IMMP2L: variants seen among roughly 807,000 people sequenced by gnomAD.
IMMP2L encodes mitochondrial inner membrane protease subunit 2.
Under a neutral mutation model 19.3 loss-of-function variants are expected in IMMP2L, and 18 were observed. The observed-to-expected ratio is 0.93, with a 90% CI of 0.64 to 1.38. The LOEUF is 1.38. IMMP2L is among the 40% of genes most tolerant of loss of function. The probability of loss-of-function intolerance (pLI) is 0.00; values close to 1 mark genes in which losing one functional copy is unlikely to be tolerated. For synonymous variants in IMMP2L, 76 were observed against 73.0 expected (o/e 1.04, Z -0.21); for missense variants, 233 against 218.2 (o/e 1.07, Z -0.43).
intron 5 of IMMP2L, among the ~76,000 whole-genome samples, chr7:110,717,273 G>A (rs1223386650): frequency 1.3e-5 from 2 of 152,124 alleles, no homozygotes; most frequent in Non-Finnish European, 1.5e-5. Flanking sequence ...TCAGGAGATG[G>A]AGACCATCCT....
intron 3 of IMMP2L, among the ~76,000 whole-genome samples, chr7:111,074,496 C>CT (rs1795225551): frequency 6.6e-6 from 1 of 152,194 alleles, no homozygotes; most frequent in African/African-American, 2.4e-5. Context: ...TGATGCATAT[C>CT]TTTAGTCTTC....
Position 111,310,079 on chromosome 7 carries a change from A to G in IMMP2L, c.239+177159T>C, listed in dbSNP as rs190485669. Among the ~76,000 whole-genome samples, 217 of 152,106 alleles carry G rather than the reference A, an allele frequency of 1.4e-3. 2 individuals are homozygous for G. The highest frequency in any genetic ancestry group is 3.4e-3 in the Middle Eastern group (1 of 294). On this transcript the variant is annotated intron_variant, in intron 3 of 5. Transcript: ENST00000405709. Reference sequence around the variant, plus strand: ...GGGAAATCCCAACTCTACTAAAAATACAAAAACTAGCTGGGCATGGTGGTG... The same window carrying G: ...GGGAAATCCCAACTCTACTAAAAATGCAAAAACTAGCTGGGCATGGTGGTG...
intron 3 of IMMP2L, among the ~76,000 whole-genome samples, chr7:111,111,975 T>C (rs1799284050): frequency 7.9e-6 from 1 of 126,224 alleles, no homozygotes; most frequent in Non-Finnish European, 1.6e-5. Flanking sequence ...TGAGATGGAG[T>C]CTTGCTCTGT....
At chr7:111,451,288 A>G (rs1839140857) in intron 3 of IMMP2L, among the ~76,000 whole-genome samples, 1 of 150,496 alleles carries the variant, frequency 6.6e-6, no homozygotes, top group Non-Finnish European at 1.5e-5. Flanking sequence ...CATTATTCAC[A>G]ATAGCAAAGA....
chr7:111,284,633 A>C (rs1188630446), intron 3 of IMMP2L, among the ~76,000 whole-genome samples: 1 of 152,156 alleles, frequency 6.6e-6, no homozygotes, highest in Non-Finnish European at 1.5e-5. Flanking sequence ...GAATGACTAT[A>C]AGCCCGGGGC....
At chr7:110,955,867 CAAG>C (rs10552767) in intron 4 of IMMP2L, among the ~76,000 whole-genome samples, 23,904 of 151,566 alleles carry the variant, frequency 0.16, 4,068 homozygotes, top group African/African-American at 0.43. Context: ...GCATGATCTT[CAAG>C]AAGAAGAGAG....
chr7:111,061,330 C>A (rs1192559072), intron 3 of IMMP2L, among the ~76,000 whole-genome samples: 1 of 152,138 alleles, frequency 6.6e-6, no homozygotes, highest in Admixed American at 6.6e-5. Context: ...AGACTAGGAC[C>A]AAACCACAGA....
At chr7:110,844,015 C>G (rs1293470065) in intron 5 of IMMP2L, among the ~76,000 whole-genome samples, 1 of 152,094 alleles carries the variant, frequency 6.6e-6, no homozygotes, top group Non-Finnish European at 1.5e-5. Context: ...TAAGTGAAGC[C>G]TGGAGCCTTT....
chr7:111,543,018 T>C (rs1298467960), intron 1 of IMMP2L, among the ~76,000 whole-genome samples: 2 of 152,150 alleles, frequency 1.3e-5, no homozygotes, highest in Non-Finnish European at 2.9e-5. Context: ...GACTAGAAAC[T>C]AAAGCAATCC....
intron 4 of IMMP2L, among the ~76,000 whole-genome samples, chr7:110,935,982 A>T (rs943514766): frequency 6.6e-6 from 1 of 152,198 alleles, no homozygotes; most frequent in Non-Finnish European, 1.5e-5. Flanking sequence ...GTGATGGGCA[A>T]ACTGGCTAGC....
intron 3 of IMMP2L, among the ~76,000 whole-genome samples, chr7:111,298,768 A>AAG (rs1821896492): frequency 6.6e-6 from 1 of 151,922 alleles, no homozygotes; most frequent in South Asian, 2.1e-4. Context: ...CAAAAAAAAA[A>AAG]AAAAGCAGCC....
chr7:111,446,812 A>C (rs576301655), intron 3 of IMMP2L, among the ~76,000 whole-genome samples: 2 of 151,952 alleles, frequency 1.3e-5, no homozygotes, highest in East Asian at 3.9e-4. Flanking sequence ...ACTTTGAAAA[A>C]AATTTAGAAG....
intron 2 of IMMP2L, among the ~76,000 whole-genome samples, chr7:111,505,156 G>A (rs1245864115): frequency 1.3e-5 from 2 of 151,776 alleles, no homozygotes; most frequent in Non-Finnish European, 2.9e-5. Context: ...ATCAAAAAGT[G>A]GGCAAAGGAT....
At chr7:111,162,614 G>T (rs115695224) in intron 3 of IMMP2L, among the ~76,000 whole-genome samples, 2,193 of 151,906 alleles carry the variant, frequency 0.014, 69 homozygotes, top group African/African-American at 0.051. Context: ...GAATCAAGGA[G>T]GATTCCAGAT....
chr7:111,175,666 T>C (rs1267214885), intron 3 of IMMP2L, among the ~76,000 whole-genome samples: 2 of 151,776 alleles, frequency 1.3e-5, no homozygotes, highest in Non-Finnish European at 2.9e-5. Flanking sequence ...CCTCAATCTA[T>C]GAAATTATTC....
intron 1 of IMMP2L, among the ~76,000 whole-genome samples, chr7:111,526,333 T>C (rs1846853739): frequency 6.6e-6 from 1 of 152,194 alleles, no homozygotes; most frequent in South Asian, 2.1e-4. Flanking sequence ...AATTGTTTAA[T>C]AACCACTCAT....
At chr7:110,969,564 C>A (rs979457461) in intron 3 of IMMP2L, among the ~76,000 whole-genome samples, 7 of 151,842 alleles carry the variant, frequency 4.6e-5, no homozygotes, top group African/African-American at 1.5e-4. Flanking sequence ...TGGCAAGAAC[C>A]CATGTTAATG....
At chr7:111,476,358 T>C (rs1324937202) in intron 3 of IMMP2L, among the ~76,000 whole-genome samples, 1 of 152,224 alleles carries the variant, frequency 6.6e-6, no homozygotes, top group Non-Finnish European at 1.5e-5. Context: ...AAACACTTAA[T>C]AATCTTTTGT....
At chr7:110,716,772 G>T (rs1352292195) in intron 5 of IMMP2L, among the ~76,000 whole-genome samples, 1 of 152,062 alleles carries the variant, frequency 6.6e-6, no homozygotes, top group East Asian at 1.9e-4. Flanking sequence ...AAGAGTGAAG[G>T]GTTGTCAGAA....
Sources: allele counts gnomAD v4.1 joint callset (sites outside exome capture counted in the v4.1 genomes callset), GRCh38; gene constraint gnomAD v4.1.1; transcripts MANE v1.5; gene names NCBI Gene and HGNC (gene_info 2026-07-23, HGNC 2026-07-21).